The following CD58 variants were observed in gnomAD, a reference collection of about 807,000 sequenced individuals.
CD58 encodes CD58 molecule, also known as lymphocyte function-associated antigen 3.
In CD58, 14 loss-of-function variants were observed where a neutral mutation model predicts 27.6. That is an observed-to-expected ratio of 0.51 (90% confidence interval 0.34 to 0.79). The LOEUF (loss-of-function observed/expected upper bound fraction) is 0.79, where lower values mean the gene tolerates loss of function less well. CD58 is among the 30% of genes least tolerant of loss of function. CD58 has a pLI of 0.02. For missense variants in CD58, 268 were observed against 301.7 expected, an observed-to-expected ratio of 0.89 and a Z score of 0.83; for synonymous variants, 117 against 103.8, an observed-to-expected ratio of 1.13 and a Z score of -0.77.
rs1449212072 is a variant in CD58 at position 116,523,376 on chromosome 1, AG to A, written c.629-1394del. ...AATGTGACATGGATATGGGAAAGGA[AG>A]GGAAAGGAAGGGAGAGGAGGAAGAG... On this transcript the variant is annotated intron_variant, in intron 3 of 5. Transcript: ENST00000369489. This position sits in a 1 kb window ranked among gnomAD's most constrained non-coding sequence, Gnocchi z 4.4. Among the ~76,000 whole-genome samples the A allele has an allele frequency of 2.6e-5, 4 of 152,156 alleles. No homozygotes were observed. Among genetic ancestry groups the A allele is most frequent in the Non-Finnish European group, 5.9e-5 (4 of 68,020 alleles).
chr1:116,520,660 C>G (rs914136037), intron 4 of CD58, among the ~76,000 whole-genome samples: 8 of 152,176 alleles, frequency 5.3e-5, no homozygotes, highest in Admixed American at 5.2e-4. Context: ...TTCTGGGAAC[C>G]AACCTGTTCA....
intron 3 of CD58, chr1:116,533,576 T>G (rs1349102415): frequency 1.4e-6 from 1 of 712,342 alleles, no homozygotes; most frequent in Admixed American, 1.8e-5. Flanking sequence ...TCACTTAGCA[T>G]ATCTACATTT....
Position 116,532,927 on chromosome 1 carries a change from C to T in CD58, c.628+3038G>A, listed in dbSNP as rs1207520505. 1 of 1,068,776 alleles carries T rather than the reference C, an allele frequency of 9.4e-7. No individual in the cohort carries two copies. The highest frequency in any genetic ancestry group is 1.4e-6 in the Non-Finnish European group (1 of 727,860). The allele number at this position is 1,068,776 out of a possible 1,614,324, so 66.2% of individuals were successfully genotyped here. ...GACAGCCGGTCTGCCAGGCGCCCAC[C>T]TCCACTTCCTACTGCTGCTTGCATT... is the stretch of plus-strand genomic sequence containing the variant. On this transcript the variant is annotated intron_variant, in intron 3 of 5. Coordinates refer to ENST00000369489, the MANE Select transcript of CD58 (RefSeq NM_001779.3). The surrounding 1 kb of genome is among the most constrained non-coding windows in gnomAD (Gnocchi z 5.1).
chr1:116,551,164 C>T (rs1658375933), intron 1 of CD58, among the ~76,000 whole-genome samples: 1 of 152,150 alleles, frequency 6.6e-6, no homozygotes, highest in Non-Finnish European at 1.5e-5. Flanking sequence ...GCTGCATTAG[C>T]CCACACAACA....
intron 3 of CD58, among the ~76,000 whole-genome samples, chr1:116,535,346 G>A (rs987031056): frequency 6.6e-6 from 1 of 152,180 alleles, no homozygotes; most frequent in African/African-American, 2.4e-5. Context: ...CTTACTAGCT[G>A]TTACCTTGAG....
rs1202348454 is a variant in CD58, at chr1:116,570,500, G to A, written c.70+403C>T. On this transcript the variant is annotated intron_variant, in intron 1 of 5. Transcript: ENST00000369489. The surrounding 1 kb of genome is among the most constrained non-coding windows in gnomAD (Gnocchi z 6.4). ...TCGCCCTCGAGCAGGTGGCATCCGCGCCCGCTCCCCGTCCCGGGCGCGTTC... is the reference window on the plus strand; with the variant it reads ...TCGCCCTCGAGCAGGTGGCATCCGCACCCGCTCCCCGTCCCGGGCGCGTTC... Among the ~76,000 whole-genome samples the A allele has an allele frequency of 6.6e-6, 1 of 151,954 alleles. No individual in the cohort carries two copies. Among genetic ancestry groups the A allele is most frequent in the Non-Finnish European group, 1.5e-5 (1 of 67,964 alleles).
chr1:116,554,929 C>A (rs1658516578), intron 1 of CD58, among the ~76,000 whole-genome samples: 1 of 152,002 alleles, frequency 6.6e-6, no homozygotes, highest in East Asian at 1.9e-4. Context: ...ACTTCCAAGG[C>A]CAACACTAAA....
At chr1:116,565,435 T>C (rs1006389855) in intron 1 of CD58, among the ~76,000 whole-genome samples, 8 of 152,180 alleles carry the variant, frequency 5.3e-5, no homozygotes, top group African/African-American at 1.4e-4. Flanking sequence ...CTTAAGTGTA[T>C]GATCAATTGT....
rs1172210289 is a variant in CD58, at chr1:116,519,270, A to G, written c.707-3T>C. The G allele has an allele frequency of 6.2e-7, 1 of 1,609,886 alleles. No individual in the cohort carries two copies. The highest frequency in any genetic ancestry group is 2.2e-5 in the East Asian group (1 of 44,878). Reference sequence around the variant, plus strand: ...TTTTCTGTCACATTTCAGAATACCTAAAAATGAAGAAATTGTCTTCTCAAT... The same window carrying G: ...TTTTCTGTCACATTTCAGAATACCTGAAAATGAAGAAATTGTCTTCTCAAT... On this transcript the variant is annotated splice_region_variant and splice_polypyrimidine_tract_variant and intron_variant, in intron 4 of 5. Transcript: ENST00000369489. The surrounding 1 kb of genome is among the most constrained non-coding windows in gnomAD (Gnocchi z 4.7).
chr1:116,534,107 C>G lies in CD58; in HGVS notation c.628+1858G>C. On this transcript the variant is annotated intron_variant, in intron 3 of 5. Coordinates refer to ENST00000369489, the MANE Select transcript of CD58 (RefSeq NM_001779.3). The surrounding 1 kb of genome is among the most constrained non-coding windows in gnomAD (Gnocchi z 5.3). ...TTATCTGCCATCTGAATGTTTTTAT[C>G]CCCTTGTCTGGTAAACCAAGTCCCG... 3.9e-6 allele frequency: 3 copies of G among 769,148 alleles called. No homozygotes were observed. Among genetic ancestry groups the G allele is most frequent in the Non-Finnish European group, 7.0e-6 (3 of 430,678 alleles). The allele number at this position is 769,148 out of a possible 1,614,324, so 47.6% of individuals were successfully genotyped here. A position where few individuals can be genotyped will look rare whatever the true frequency, so the allele number is the denominator to read the frequency against.
At chr1:116,525,556 C>A (rs1657402167) in intron 3 of CD58, among the ~76,000 whole-genome samples, 1 of 152,182 alleles carries the variant, frequency 6.6e-6, no homozygotes, top group Admixed American at 6.5e-5. Context: ...TAGCAAGAAG[C>A]ATGACAGTTG....
rs1165125533 is a variant in CD58, at chr1:116,546,449, T to G, written c.71-1845A>C. On this transcript the variant is annotated intron_variant, in intron 1 of 5. Transcript: ENST00000369489. This position sits in a 1 kb window ranked among gnomAD's most constrained non-coding sequence, Gnocchi z 4.1. ...CAGCATCTTTCCATTGCTTTGCCGA[T>G]TATGCATTATTTCCTCCACTCAACA... 1.3e-5 allele frequency among the ~76,000 whole-genome samples: 2 copies of G among 152,180 alleles called. No individual in the cohort carries two copies. Among genetic ancestry groups the G allele is most frequent in the African/African-American group, 4.8e-5 (2 of 41,436 alleles).
At chr1:116,569,478 T>C (rs1320728499) in intron 1 of CD58, among the ~76,000 whole-genome samples, 2 of 151,930 alleles carry the variant, frequency 1.3e-5, no homozygotes, top group Non-Finnish European at 2.9e-5. Flanking sequence ...TGTCCACACA[T>C]CACCAGTCCT....
chr1:116,533,824 T>C (rs1657698855), intron 3 of CD58: 1 of 783,376 alleles, frequency 1.3e-6, no homozygotes, highest in Admixed American at 1.8e-5. Flanking sequence ...TCTTTCCAAG[T>C]CATGAACTTC....
At position 116,523,134 on chromosome 1, in the gene CD58, G is replaced by A. The variant is rs1218149164; in HGVS notation, c.629-1151C>T. 6.6e-6 allele frequency among the ~76,000 whole-genome samples: 1 copy of A among 152,110 alleles called. No homozygotes were observed. The highest frequency in any genetic ancestry group is 6.6e-5 in the Admixed American group (1 of 15,256). ...ATCCTGGGGAAAATATCAATGATGT[G>A]CCCTTCTACTCCCCGCAAAAAGGCA... On this transcript the variant is annotated intron_variant, in intron 3 of 5. Coordinates refer to ENST00000369489, the MANE Select transcript of CD58 (RefSeq NM_001779.3). This position sits in a 1 kb window ranked among gnomAD's most constrained non-coding sequence, Gnocchi z 4.4.
Position 116,534,421 on chromosome 1 carries a change from C to T in CD58, c.628+1544G>A, listed in dbSNP as rs374636232. On this transcript the variant is annotated intron_variant, in intron 3 of 5. Transcript: ENST00000369489. This position sits in a 1 kb window ranked among gnomAD's most constrained non-coding sequence, Gnocchi z 5.3. ...AAAACGGGAAGCCTGAATGCTCCTC[C>T]GGGTGCGCCGCGGCCCTCCGGGTAC... 2.6e-5 allele frequency among the ~76,000 whole-genome samples: 4 copies of T among 152,180 alleles called. No homozygotes were observed. Among genetic ancestry groups the T allele is most frequent in the African/African-American group, 9.6e-5 (4 of 41,470 alleles).
In CD58 at chr1:116,522,564, ACCTAC is replaced by A. The variant is rs1231672829; in HGVS notation, c.629-586_629-582del. Among the ~76,000 whole-genome samples the A allele has an allele frequency of 6.6e-6, 1 of 152,164 alleles. No individual in the cohort carries two copies. Among genetic ancestry groups the A allele is most frequent in the East Asian group, 1.9e-4 (1 of 5,202 alleles). Reference sequence around the variant, plus strand: ...ATCTTATGACTAGAGGCTCACAGGAACCTACCCCTGTATTTCCCCCAGGAACATTA... The same window carrying A: ...ATCTTATGACTAGAGGCTCACAGGAACCCTGTATTTCCCCCAGGAACATTA... On this transcript the variant is annotated intron_variant, in intron 3 of 5. Coordinates refer to ENST00000369489, the MANE Select transcript of CD58 (RefSeq NM_001779.3). The surrounding 1 kb of genome is among the most constrained non-coding windows in gnomAD (Gnocchi z 4.6).
intron 2 of CD58, among the ~76,000 whole-genome samples, chr1:116,540,581 G>C (rs934973312): frequency 1.3e-5 from 2 of 151,956 alleles, no homozygotes; most frequent in African/African-American, 4.8e-5. Context: ...TCACTTCCTT[G>C]CTCCAGTATA....
rs558013315 is a variant in CD58 at position 116,559,204 on chromosome 1, G to A, written c.70+11699C>T. Among the ~76,000 whole-genome samples, 9 of 152,214 alleles carry A rather than the reference G, an allele frequency of 5.9e-5. No homozygotes were observed. The highest frequency in any genetic ancestry group is 2.0e-4 in the Admixed American group (3 of 15,290). ...GCAGAGTCCAGAAAAGCAGGGGAGCGAGCCTAAGAACATCTGGGGTGAGAG... is the reference window on the plus strand; with the variant it reads ...GCAGAGTCCAGAAAAGCAGGGGAGCAAGCCTAAGAACATCTGGGGTGAGAG... On this transcript the variant is annotated intron_variant, in intron 1 of 5. Coordinates refer to ENST00000369489, the MANE Select transcript of CD58 (RefSeq NM_001779.3). The surrounding 1 kb of genome is among the most constrained non-coding windows in gnomAD (Gnocchi z 4.4).
Sources: allele counts gnomAD v4.1 joint callset (sites outside exome capture counted in the v4.1 genomes callset), GRCh38; gene constraint gnomAD v4.1.1; non-coding constraint Gnocchi (gnomAD v3.1); transcripts MANE v1.5; gene names NCBI Gene and HGNC (gene_info 2026-07-23, HGNC 2026-07-21).